The following DLGAP2 variants were observed in gnomAD, a reference collection of about 807,000 sequenced individuals.
DLGAP2 encodes the protein DLG associated protein 2.
In DLGAP2, 26 loss-of-function variants were observed where a neutral mutation model predicts 100.3. The observed-to-expected ratio is 0.26, with a 90% confidence interval of 0.19 to 0.36. The LOEUF (loss-of-function observed/expected upper bound fraction) is 0.36. Ranked by LOEUF, DLGAP2 falls within the 10% of genes least tolerant of loss-of-function variation. The pLI is 1.00. For missense variants in DLGAP2, 1,858 were observed against 1,453.2 expected, an observed-to-expected ratio of 1.28 and a Z score of -4.53; for synonymous variants, 886 against 630.1, an observed-to-expected ratio of 1.41 and a Z score of -6.08.
At chr8:1,261,976 C>G (rs1799359954) in intron 3 of DLGAP2, among the ~76,000 whole-genome samples, 1 of 152,304 alleles carries the variant, frequency 6.6e-6, no homozygotes, top group East Asian at 1.9e-4. Flanking sequence ...AAGGTTAAGG[C>G]ACCACCTCAT....
chr8:1,140,788 C>T (rs1796507978), intron 2 of DLGAP2, among the ~76,000 whole-genome samples: 1 of 152,202 alleles, frequency 6.6e-6, no homozygotes, highest in African/African-American at 2.4e-5. Context: ...GCCTGGCCAA[C>T]AGGGTGAAAC....
At chr8:1,179,577 C>T (rs187914225) in intron 2 of DLGAP2, among the ~76,000 whole-genome samples, 34 of 152,358 alleles carry the variant, frequency 2.2e-4, no homozygotes, top group Middle Eastern at 6.8e-3. Flanking sequence ...ATTAATTTGG[C>T]ACTGTGTAAT....
chr8:1,023,464 G>A (rs1360025688), intron 2 of DLGAP2, among the ~76,000 whole-genome samples: 1 of 152,144 alleles, frequency 6.6e-6, no homozygotes, highest in African/African-American at 2.4e-5. Context: ...CCCTGTAGCG[G>A]GCACTGTAGT....
At chr8:800,624 T>C (rs549341016) in intron 1 of DLGAP2, among the ~76,000 whole-genome samples, 2 of 151,988 alleles carry the variant, frequency 1.3e-5, no homozygotes, top group Non-Finnish European at 2.9e-5. Context: ...ACATGTATGT[T>C]TATATGTGTG....
At chr8:1,344,593 G>T (rs1801512497) in intron 3 of DLGAP2, among the ~76,000 whole-genome samples, 1 of 152,176 alleles carries the variant, frequency 6.6e-6, no homozygotes. Context: ...TAGACTAAGA[G>T]TGCATGTACC....
At chr8:1,176,291 G>T (rs1313971492) in intron 2 of DLGAP2, among the ~76,000 whole-genome samples, 1 of 152,112 alleles carries the variant, frequency 6.6e-6, no homozygotes, top group African/African-American at 2.4e-5. Context: ...GGGGAAAACC[G>T]TCCCTGTGAT....
chr8:1,293,323 C>T (rs1190776432), intron 3 of DLGAP2, among the ~76,000 whole-genome samples: 6 of 152,150 alleles, frequency 3.9e-5, no homozygotes, highest in African/African-American at 1.4e-4. Context: ...GGCTGGGCTC[C>T]CGGACGGCTG....
At chr8:1,418,718 C>T (rs1180718440) in intron 3 of DLGAP2, among the ~76,000 whole-genome samples, 6 of 152,324 alleles carry the variant, frequency 3.9e-5, no homozygotes, top group African/African-American at 1.2e-4. Context: ...TCCCATGCAC[C>T]GTTTCTCCCA....
intron 6 of DLGAP2, among the ~76,000 whole-genome samples, chr8:1,569,543 G>T (rs968600197): frequency 6.6e-6 from 1 of 152,184 alleles, no homozygotes. Context: ...CATTTTTGCT[G>T]TTGCCTATTC....
chr8:1,615,025 C>T (rs2130741151), intron 6 of DLGAP2, among the ~76,000 whole-genome samples: 1 of 152,372 alleles, frequency 6.6e-6, no homozygotes, highest in Admixed American at 6.5e-5. Context: ...GCGGTAGGAA[C>T]TGAAGCAGAC....
Position 1,518,177 on chromosome 8 carries a change from A to G in DLGAP2, c.172+16746A>G, listed in dbSNP as rs141252502. On this transcript the variant is annotated intron_variant, in intron 4 of 14. Transcript: ENST00000637795. ...CTGTGTTATGTGACTTGTCCGTACC[A>G]TTTAGCCTCCCAATTGGACACGGAA... Among the ~76,000 whole-genome samples the G allele has an allele frequency of 2.1e-3, 316 of 152,312 alleles. 4 individuals are homozygous for G. Among genetic ancestry groups the G allele is most frequent in the African/African-American group, 7.0e-3 (293 of 41,568 alleles).
intron 3 of DLGAP2, among the ~76,000 whole-genome samples, chr8:1,294,472 A>C (rs1402636518): frequency 6.6e-6 from 1 of 152,082 alleles, no homozygotes; most frequent in Non-Finnish European, 1.5e-5. Flanking sequence ...ACACATTCTC[A>C]CCGTCACGTT....
chr8:1,307,330 G>T (rs1173400200), intron 3 of DLGAP2, among the ~76,000 whole-genome samples: 1 of 152,244 alleles, frequency 6.6e-6, no homozygotes, highest in African/African-American at 2.4e-5. Flanking sequence ...ACACACATTA[G>T]AGTGGTCATT....
At position 1,137,942 on chromosome 8, in the gene DLGAP2, C is replaced by T. The variant is rs530659186; in HGVS notation, c.74-120909C>T. Among the ~76,000 whole-genome samples the T allele has an allele frequency of 2.0e-4, 30 of 152,196 alleles. 1 individual carries two copies. The South Asian group carries it at 2.7e-3, about 14-fold the overall frequency. Reference sequence around the variant, plus strand: ...GGTAGCTGGGACTGCAGGCATGGGCCGCCATGCTGGTCACAAACTCCTGGC... The same window carrying T: ...GGTAGCTGGGACTGCAGGCATGGGCTGCCATGCTGGTCACAAACTCCTGGC... On this transcript the variant is annotated intron_variant, in intron 2 of 14. Transcript: ENST00000637795.
chr8:1,092,770 A>C (rs1466911826), intron 2 of DLGAP2, among the ~76,000 whole-genome samples: 1 of 152,144 alleles, frequency 6.6e-6, no homozygotes, highest in East Asian at 1.9e-4. Context: ...TCCCAGCAAC[A>C]CAGATGGTGT....
At chr8:1,226,731 G>A (rs1258578083) in intron 2 of DLGAP2, among the ~76,000 whole-genome samples, 1 of 152,028 alleles carries the variant, frequency 6.6e-6, no homozygotes, top group Non-Finnish European at 1.5e-5. Context: ...GATGTTGAGC[G>A]CTTTTCACAC....
intron 2 of DLGAP2, among the ~76,000 whole-genome samples, chr8:1,216,790 C>G (rs756489059): frequency 9.2e-5 from 14 of 152,248 alleles, no homozygotes; most frequent in South Asian, 4.2e-4. Flanking sequence ...TTTTCTGAAT[C>G]TGTTATGAAG....
intron 4 of DLGAP2, among the ~76,000 whole-genome samples, chr8:1,545,240 C>G (rs1368068055): frequency 6.6e-6 from 1 of 152,118 alleles, no homozygotes; most frequent in Non-Finnish European, 1.5e-5. Context: ...TAGAATTCAC[C>G]TGTGACACCA....
chr8:802,720 C>T (rs551014736), intron 1 of DLGAP2, among the ~76,000 whole-genome samples: 24 of 152,264 alleles, frequency 1.6e-4, no homozygotes, highest in African/African-American at 5.8e-4. Context: ...CAGGTTGCAT[C>T]TTTCTGTAGG....
Sources: allele counts gnomAD v4.1 joint callset (sites outside exome capture counted in the v4.1 genomes callset), GRCh38; gene constraint gnomAD v4.1.1; transcripts MANE v1.5; gene names NCBI Gene and HGNC (gene_info 2026-07-23, HGNC 2026-07-21).